Variants in SERTAD4 observed in about 807,000 individuals in gnomAD.
SERTAD4 encodes SERTA domain-containing protein 4.
In SERTAD4, 18 loss-of-function variants were observed where a neutral mutation model predicts 32.9. The observed-to-expected ratio is 0.55, with a 90% confidence interval of 0.38 to 0.81. The LOEUF (loss-of-function observed/expected upper bound fraction) is 0.81, where lower values mean the gene tolerates loss of function less well. Among genes scored for constraint, SERTAD4 ranks in the 30% least tolerant of loss-of-function variants. The pLI is 0.00. For synonymous variants in SERTAD4, 150 were observed against 156.4 expected (o/e 0.96, Z 0.30); for missense variants, 383 against 426.0 (o/e 0.90, Z 0.89).
In SERTAD4 at chr1:210,241,552, TTGTAGACCATCTCAA is replaced by T; in HGVS notation, c.292-4_302del. Reference sequence around the variant, plus strand: ...TTTTTTTCTTTTTTTTTTTTTTGGTTTGTAGACCATCTCAATTTTTGAGGAACGAGCCCACATCCT... The same window carrying T: ...TTTTTTTCTTTTTTTTTTTTTTGGTTTTTTTGAGGAACGAGCCCACATCCT... On this transcript the variant is annotated splice_acceptor_variant and splice_polypyrimidine_tract_variant and coding_sequence_variant and intron_variant, in exon 4 of 4. Transcript: ENST00000367012. LOFTEE classifies it high-confidence loss of function. 1 of 1,533,940 alleles carries T rather than the reference TTGTAGACCATCTCAA, an allele frequency of 6.5e-7. No individual in the cohort carries two copies. The highest frequency in any genetic ancestry group is 8.7e-7 in the Non-Finnish European group (1 of 1,146,934).
chr1:210,236,903 T>G (rs574817333), intron 1 of SERTAD4, among the ~76,000 whole-genome samples: 1 of 152,334 alleles, frequency 6.6e-6, no homozygotes, highest in Admixed American at 6.5e-5. Context: ...GAACTTACTC[T>G]TGACCCTACC....
rs2084019785 is a variant in SERTAD4 at position 210,243,409 on chromosome 1, T to G, written c.*1072T>G. Reference sequence around the variant, plus strand: ...GAACCAGTGGCATGCATTATACTTTTCTCTGTTTTGCATCATTTCACTTGT... The same window carrying G: ...GAACCAGTGGCATGCATTATACTTTGCTCTGTTTTGCATCATTTCACTTGT... On this transcript the variant is annotated 3_prime_UTR_variant, in exon 4 of 4. Transcript: ENST00000367012. 6.6e-6 allele frequency: 1 copy of G among 152,400 alleles called. No individual in the cohort carries two copies. Among genetic ancestry groups the G allele is most frequent in the African/African-American group, 2.4e-5 (1 of 41,470 alleles). The allele number at this position is 152,400 out of a possible 1,614,324, so 9.4% of individuals were successfully genotyped here.
chr1:210,234,192 C>T (rs949258604), intron 1 of SERTAD4: 4 of 223,298 alleles, frequency 1.8e-5, no homozygotes, highest in African/African-American at 9.6e-5. Context: ...GGCACCGACA[C>T]CCCGGGGGTG....
Position 210,242,051 on chromosome 1 carries a change from C to T in SERTAD4, c.785C>T (p.Ala262Val). ...TACAAGAGTGATGGCCAGATACCTGCCAATGAAATCTTTGTCACTAATGTC... is the reference window on the plus strand; with the variant it reads ...TACAAGAGTGATGGCCAGATACCTGTCAATGAAATCTTTGTCACTAATGTC... Reference protein sequence around the residue: ...SIYKSDGQIPANEIFVTNVRS... With the variant: ...SIYKSDGQIPVNEIFVTNVRS... Residue 262 changes from alanine to valine, a missense_variant, in exon 4 of 4, where the codon GCC becomes GTC. Transcript: ENST00000367012. This position sits in a 1 kb window ranked among gnomAD's most constrained non-coding sequence, Gnocchi z 4.0. 6.2e-7 allele frequency: 1 copy of T among 1,614,104 alleles called. No individual in the cohort carries two copies. Among genetic ancestry groups the T allele is most frequent in the East Asian group, 2.2e-5 (1 of 44,886 alleles).
chr1:210,241,742 C>T lies in SERTAD4; in HGVS notation c.476C>T (p.Thr159Ile), dbSNP rs1040696500. 5.6e-6 allele frequency: 9 copies of T among 1,613,960 alleles called. No homozygotes were observed. Among genetic ancestry groups the T allele is most frequent in the Middle Eastern group, 1.6e-4 (1 of 6,084 alleles). ...TTCCCTGCCTGCTCTTTCAATGGCACCTCTGCCCAAGAGTGGTTTATGGCT... is the reference window on the plus strand; with the variant it reads ...TTCCCTGCCTGCTCTTTCAATGGCATCTCTGCCCAAGAGTGGTTTATGGCT... ...WCFPACSFNGTSAQEWFMAQD... is the reference protein window; with the variant it reads ...WCFPACSFNGISAQEWFMAQD... The change falls in exon 4 of 4, where the codon ACC (threonine) becomes ATC (isoleucine). Residue 159 changes from threonine to isoleucine, a missense_variant. Physicochemically the swap from Thr to Ile is moderately conservative, Grantham distance 89. Around this residue, in one of 3 missense-constraint regions of SERTAD4, gnomAD observed 107 missense variants for 158.8 expected, o/e 0.67. Coordinates refer to ENST00000367012, the MANE Select transcript of SERTAD4 (RefSeq NM_019605.5).
chr1:210,243,586 T>G lies in SERTAD4; in HGVS notation c.*1249T>G, dbSNP rs147717828. ...AAAGTTATTTTGGAGAAATGGGACT[T>G]AATCTATAATAGTTACTATGTATTT... On this transcript the variant is annotated 3_prime_UTR_variant, in exon 4 of 4. Transcript: ENST00000367012. The G allele has an allele frequency of 7.9e-5, 12 of 152,340 alleles. No homozygotes were observed. In the East Asian group the frequency reaches 2.3e-3, roughly 29 times the overall value. 9.4% of individuals were successfully genotyped at this position (152,340 alleles called of 1,614,324 possible). A position where few individuals can be genotyped will look rare whatever the true frequency, so the allele number is the denominator to read the frequency against.
intron 3 of SERTAD4, 24 bp from the exon 4 acceptor site, chr1:210,241,534 C>CTTTTTTTTTTTTTT (rs77835150): frequency 1.4e-5 from 16 of 1,110,996 alleles, no homozygotes; most frequent in African/African-American, 1.7e-5. Context: ...TTGTTTTTTT[C>CTTTTTTTTTTTTTT]TTTTTTTTTT....
chr1:210,234,784 G>A (rs750156322), intron 1 of SERTAD4, among the ~76,000 whole-genome samples: 11 of 152,164 alleles, frequency 7.2e-5, no homozygotes, highest in Non-Finnish European at 1.5e-4. Context: ...TAGATTCAAG[G>A]TGCCGCTGAA....
At position 210,245,419 on chromosome 1, in the gene SERTAD4, A is replaced by C. The variant is rs547902158; in HGVS notation, c.*3082A>C. The stretch of plus-strand genomic sequence containing the variant: ...CAGATTATAGAAGGTGGTCTGGCAA[A>C]GGGATTTTCAAAGGGCAAAAGTCTC... On this transcript the variant is annotated 3_prime_UTR_variant, in exon 4 of 4. Transcript: ENST00000367012. The C allele has an allele frequency of 2.0e-5, 3 of 152,190 alleles. No homozygotes were observed. Among genetic ancestry groups the C allele is most frequent in the Non-Finnish European group, 4.4e-5 (3 of 68,030 alleles). The allele number at this position is 152,190 out of a possible 1,614,324, so 9.4% of individuals were successfully genotyped here.
intron 1 of SERTAD4, among the ~76,000 whole-genome samples, chr1:210,234,725 A>G (rs2083924358): frequency 6.6e-6 from 1 of 152,156 alleles, no homozygotes; most frequent in African/African-American, 2.4e-5. Flanking sequence ...CCAATTTTCA[A>G]TGACAGATGG....
intron 1 of SERTAD4, among the ~76,000 whole-genome samples, chr1:210,235,185 C>T (rs1041694852): frequency 2.0e-5 from 3 of 152,088 alleles, no homozygotes; most frequent in Non-Finnish European, 4.4e-5. Context: ...ATTAATAGAA[C>T]ACGAATTTGT....
rs57426441 is a variant in SERTAD4, at chr1:210,243,093, C to CAAAAAAAAAAAA, written c.*767_*778dup. The CAAAAAAAAAAAA allele has an allele frequency of 2.3e-5, 11 of 486,516 alleles. No homozygotes were observed. The highest frequency in any genetic ancestry group is 1.9e-4 in the Admixed American group (1 of 5,194). 30.1% of individuals were successfully genotyped at this position (486,516 alleles called of 1,614,324 possible). A position where few individuals can be genotyped will look rare whatever the true frequency, so the allele number is the denominator to read the frequency against. ...TACAGCAGGGATTTAACAAACAGGA[C>CAAAAAAAAAAAA]AAAAAAAAAAAAAAAAAAAAAACCA... On this transcript the variant is annotated 3_prime_UTR_variant, in exon 4 of 4. Transcript: ENST00000367012.
chr1:210,238,152 G>T lies in SERTAD4; in HGVS notation c.175+17G>T, dbSNP rs2083960735. The T allele has an allele frequency of 6.5e-7, 1 of 1,531,764 alleles. No homozygotes were observed. The highest frequency in any genetic ancestry group is 8.8e-7 in the Non-Finnish European group (1 of 1,130,100). 94.9% of individuals were successfully genotyped at this position (1,531,764 alleles called of 1,614,324 possible). A position where few individuals can be genotyped will look rare whatever the true frequency, so the allele number is the denominator to read the frequency against. ...CACTGGCAGGTATTGCCCTTGACCT[G>T]CGCCCATCCCCCCCACCCCTCGCTG... On this transcript the variant is annotated intron_variant, in intron 2 of 3. Transcript: ENST00000367012.
At chr1:210,233,810 C>G in intron 1 of SERTAD4, 1 of 470,120 alleles carries the variant, frequency 2.1e-6, no homozygotes, top group Non-Finnish European at 4.4e-6. Flanking sequence ...GCTCCCGCAA[C>G]CGCGGGCTTC....
At chr1:210,239,187 G>T (rs2083971708) in intron 2 of SERTAD4, among the ~76,000 whole-genome samples, 1 of 152,058 alleles carries the variant, frequency 6.6e-6, no homozygotes, top group African/African-American at 2.4e-5. Flanking sequence ...ATATTTTAGA[G>T]AAATTACACT....
intron 1 of SERTAD4, among the ~76,000 whole-genome samples, chr1:210,236,365 A>C (rs1367460521): frequency 6.6e-6 from 1 of 152,190 alleles, no homozygotes. Flanking sequence ...AATTCTCTCC[A>C]CTGACCTGTA....
intron 1 of SERTAD4, chr1:210,234,009 A>G (rs2083915397): frequency 2.7e-6 from 1 of 364,438 alleles, no homozygotes; most frequent in East Asian, 8.7e-5. Flanking sequence ...AAAAAAAAGG[A>G]TAAGACATAA....
intron 1 of SERTAD4, chr1:210,234,049 G>A (rs1271972814): frequency 6.5e-6 from 2 of 308,498 alleles, no homozygotes; most frequent in Admixed American, 5.2e-5. Flanking sequence ...TTCTTCAGAA[G>A]AGGCACACGG....
intron 3 of SERTAD4, 67 bp downstream of exon 3, chr1:210,239,675 C>T: frequency 1.2e-6 from 1 of 864,152 alleles, no homozygotes; most frequent in Non-Finnish European, 1.8e-6. Context: ...TTGCTTGATC[C>T]ACTTCCAGGA....
Sources: allele counts gnomAD v4.1 joint callset (sites outside exome capture counted in the v4.1 genomes callset), GRCh38; gene constraint gnomAD v4.1.1; regional missense constraint gnomAD v4.1.1; non-coding constraint Gnocchi (gnomAD v3.1); transcripts MANE v1.5; gene names NCBI Gene and HGNC (gene_info 2026-07-23, HGNC 2026-07-21).